The following TRAPPC3L variants were observed in gnomAD, a reference collection of about 807,000 sequenced individuals.
TRAPPC3L encodes the protein trafficking protein particle complex subunit 3-like protein.
A neutral mutation model predicts 23.7 loss-of-function variants in TRAPPC3L; 23 were observed. The ratio of observed to expected loss-of-function variants is 0.97; its 90% CI spans 0.70 to 1.37. TRAPPC3L has a LOEUF of 1.37. Among genes scored for constraint, TRAPPC3L ranks in the 40% most tolerant of loss-of-function variants. The pLI is 0.00. For synonymous variants in TRAPPC3L, 81 were observed against 77.9 expected (o/e 1.04, Z -0.21); for missense variants, 212 against 216.8 (o/e 0.98, Z 0.14).
intron 3 of TRAPPC3L, among the ~76,000 whole-genome samples, chr6:116,530,391 A>C (rs967126947): frequency 6.6e-6 from 1 of 152,200 alleles, no homozygotes; most frequent in Non-Finnish European, 1.5e-5. Flanking sequence ...TGTCAAGAGA[A>C]AGGACTGAAA....
chr6:116,497,210 C>T (rs1437893755), intron 4 of TRAPPC3L, 137 bp from the exon 5 acceptor site: 18 of 1,077,432 alleles, frequency 1.7e-5, no homozygotes, highest in Non-Finnish European at 1.0e-5. Context: ...ATAAAGGGCC[C>T]TTTACTGAGT....
intron 3 of TRAPPC3L, 121 bp from the exon 4 acceptor site, chr6:116,500,787 C>T (rs2115153784): frequency 1.2e-6 from 1 of 841,096 alleles, no homozygotes; most frequent in Non-Finnish European, 1.9e-6. Context: ...AGTCTATAGT[C>T]AGGAAGTCCG....
intron 3 of TRAPPC3L, among the ~76,000 whole-genome samples, chr6:116,531,175 G>T (rs1772696630): frequency 6.6e-6 from 1 of 151,878 alleles, no homozygotes; most frequent in Non-Finnish European, 1.5e-5. Context: ...AAGTGACCTA[G>T]CATGAAACTC....
chr6:116,544,427 C>T (rs1773651617), intron 1 of TRAPPC3L, among the ~76,000 whole-genome samples: 1 of 152,044 alleles, frequency 6.6e-6, no homozygotes, highest in South Asian at 2.1e-4. Context: ...CTCTATTCTG[C>T]TTCATGGCCA....
intron 4 of TRAPPC3L, among the ~76,000 whole-genome samples, chr6:116,497,823 T>C (rs796829727): frequency 3.9e-5 from 6 of 152,296 alleles, no homozygotes; most frequent in African/African-American, 1.4e-4. Context: ...TAAAAGCACC[T>C]AGTAAAAGCA....
At position 116,495,801 on chromosome 6, in the gene TRAPPC3L, A is replaced by T. The variant is rs956382486; in HGVS notation, c.*1153T>A. On this transcript the variant is annotated 3_prime_UTR_variant, in exon 5 of 5. Coordinates refer to ENST00000368602, the MANE Select transcript of TRAPPC3L (RefSeq NM_001139444.3). ...GCACCTTTTCATATACCTGTTTGCC[A>T]TTTGTATGTGTATGTCTTCTTTTGA... 1 of 152,082 alleles carries T rather than the reference A, an allele frequency of 6.6e-6. No individual in the cohort carries two copies. Among genetic ancestry groups the T allele is most frequent in the Admixed American group, 6.6e-5 (1 of 15,258 alleles). 9.4% of individuals were successfully genotyped at this position (152,082 alleles called of 1,614,324 possible). A position where few individuals can be genotyped will look rare whatever the true frequency, so the allele number is the denominator to read the frequency against.
intron 3 of TRAPPC3L, among the ~76,000 whole-genome samples, chr6:116,502,634 G>A (rs1771936815): frequency 6.6e-6 from 1 of 152,178 alleles, no homozygotes; most frequent in African/African-American, 2.4e-5. Flanking sequence ...AGAAAGGTTG[G>A]GTTACCCATA....
At chr6:116,515,872 C>G (rs41289936) in intron 3 of TRAPPC3L, 16 of 1,613,954 alleles carry the variant, frequency 9.9e-6, no homozygotes, top group Non-Finnish European at 1.4e-5. Context: ...TGCATTCTTT[C>G]CACCAAAGCC....
At chr6:116,533,239 GA>G (rs1772849922) in intron 3 of TRAPPC3L, among the ~76,000 whole-genome samples, 1 of 152,216 alleles carries the variant, frequency 6.6e-6, no homozygotes, top group Non-Finnish European at 1.5e-5. Context: ...GAGGGATTGA[GA>G]AAGCGAACAT....
At chr6:116,543,889 T>C in intron 1 of TRAPPC3L, 1 of 1,521,828 alleles carries the variant, frequency 6.6e-7, no homozygotes, top group South Asian at 1.2e-5. Flanking sequence ...TTCTTTTCTT[T>C]TTACTTAGAG....
intron 3 of TRAPPC3L, chr6:116,512,008 T>TCTGA: frequency 6.2e-7 from 1 of 1,614,020 alleles, no homozygotes; most frequent in Non-Finnish European, 8.5e-7. Context: ...GCCAGATCAC[T>TCTGA]CTGAGCTCAT....
chr6:116,515,768 C>T, intron 3 of TRAPPC3L: 1 of 1,614,012 alleles, frequency 6.2e-7, no homozygotes, highest in South Asian at 1.1e-5. Flanking sequence ...TGCCAACAAG[C>T]TGAGCGAGAG....
At chr6:116,537,741 A>G (rs916265041) in intron 3 of TRAPPC3L, among the ~76,000 whole-genome samples, 7 of 152,304 alleles carry the variant, frequency 4.6e-5, no homozygotes, top group African/African-American at 1.7e-4. Flanking sequence ...AAGAAAAGCA[A>G]CTTCCTAAGG....
At chr6:116,498,980 C>A (rs1771872464) in intron 4 of TRAPPC3L, among the ~76,000 whole-genome samples, 1 of 152,220 alleles carries the variant, frequency 6.6e-6, no homozygotes, top group African/African-American at 2.4e-5. Context: ...CAATCCATGT[C>A]TCTCTGTGAT....
rs576926618 is a variant in TRAPPC3L at position 116,531,718 on chromosome 6, A to G, written c.240+8645T>C. On this transcript the variant is annotated intron_variant, in intron 3 of 4. Transcript: ENST00000368602. ...ATAATAATATGAAATGCACTATGTA[A>G]TGATTTGGTTACCTACTTAATATTT... is the stretch of plus-strand genomic sequence containing the variant. Among the ~76,000 whole-genome samples, 3 of 152,300 alleles carry G rather than the reference A, an allele frequency of 2.0e-5. No homozygotes were observed. The South Asian group carries it at 6.2e-4, about 32-fold the overall frequency.
intron 3 of TRAPPC3L, among the ~76,000 whole-genome samples, chr6:116,539,009 T>C (rs1317845078): frequency 6.6e-6 from 1 of 152,108 alleles, no homozygotes; most frequent in Non-Finnish European, 1.5e-5. Context: ...GGGATGAATT[T>C]TGGCAAAGAT....
chr6:116,527,470 G>A (rs1261351490), intron 3 of TRAPPC3L, among the ~76,000 whole-genome samples: 1 of 140,278 alleles, frequency 7.1e-6, no homozygotes, highest in Non-Finnish European at 1.5e-5. Flanking sequence ...AGCCGACATC[G>A]AGCCACTGCA....
Position 116,496,975 on chromosome 6 carries a change from T to G in TRAPPC3L, c.525A>C (p.Lys175Asn). The G allele has an allele frequency of 1.3e-6, 2 of 1,546,540 alleles. No homozygotes were observed. The highest frequency in any genetic ancestry group is 2.8e-5 in the African/African-American group (2 of 72,664). The stretch of plus-strand genomic sequence containing the variant: ...GTCTTCATTTTTTCCCTCTATATTT[T>G]TTCTCGTCTCGCTTTTTTAGAAATG... ...GITFLKKRDEKKYRGKK is the reference protein window; with the variant it reads ...GITFLKKRDENKYRGKK The change falls in exon 5 of 5, where the codon AAA (lysine) becomes AAC (asparagine). Residue 175 changes from lysine (K) to asparagine (N), a missense_variant. Transcript: ENST00000368602.
At chr6:116,543,805 C>T in intron 1 of TRAPPC3L, 1 of 1,533,820 alleles carries the variant, frequency 6.5e-7, no homozygotes, top group Non-Finnish European at 8.7e-7. Flanking sequence ...GGCGTCTGCA[C>T]AATCCCTAAT....
Sources: allele counts gnomAD v4.1 joint callset (sites outside exome capture counted in the v4.1 genomes callset), GRCh38; gene constraint gnomAD v4.1.1; transcripts MANE v1.5; gene names NCBI Gene and HGNC (gene_info 2026-07-23, HGNC 2026-07-21).